SPACA3: variants seen among roughly 807,000 people sequenced by gnomAD.
SPACA3 encodes the protein sperm acrosome membrane-associated protein 3.
Under a neutral mutation model 24.5 loss-of-function variants are expected in SPACA3, and 21 were observed. The ratio of observed to expected loss-of-function variants is 0.86; its 90% CI spans 0.61 to 1.24. The LOEUF (loss-of-function observed/expected upper bound fraction) is 1.24, where lower values mean the gene tolerates loss of function less well. Among genes scored for constraint, SPACA3 ranks in the 50% most tolerant of loss-of-function variants. The pLI is 0.00. For missense variants in SPACA3, 278 were observed against 275.5 expected, an observed-to-expected ratio of 1.01 and a Z score of -0.06; for synonymous variants, 115 against 106.9, an observed-to-expected ratio of 1.08 and a Z score of -0.47.
chr17:32,991,921 G>A lies in SPACA3; in HGVS notation c.-18G>A, dbSNP rs780281386. ...TGAAGCAGGGTTTTGAGCCACTGCT[G>A]CTGCTGCCATTGTCACCATGGTCTC... On this transcript the variant is annotated 5_prime_UTR_variant, in exon 1 of 5. Coordinates refer to ENST00000269053, the MANE Select transcript of SPACA3 (RefSeq NM_173847.5). 2 of 1,614,022 alleles carry A rather than the reference G, an allele frequency of 1.2e-6. No individual in the cohort carries two copies. Among genetic ancestry groups the A allele is most frequent in the South Asian group, 2.2e-5 (2 of 91,068 alleles).
At chr17:32,997,343 GT>G (rs1217681467) in intron 3 of SPACA3, 101 bp from the exon 4 acceptor site, 614 of 560,862 alleles carry the variant, frequency 1.1e-3, no homozygotes, top group Middle Eastern at 5.0e-3. Context: ...GTGTGTGTGT[GT>G]AGAGAGAGAG....
intron 1 of SPACA3, chr17:32,992,716 T>C (rs890250335): frequency 4.4e-5 from 16 of 367,084 alleles, no homozygotes; most frequent in African/African-American, 3.4e-4. Context: ...GTTAACCATG[T>C]AGAGGAAAGG....
chr17:32,997,410 G>C, intron 3 of SPACA3, 35 bp from the exon 4 acceptor site: 1 of 1,579,418 alleles, frequency 6.3e-7, no homozygotes, highest in Middle Eastern at 1.7e-4. Flanking sequence ...GATGTCTCCT[G>C]TTCTCTCATT....
intron 3 of SPACA3, 73 bp downstream of exon 3, chr17:32,997,074 T>G: frequency 6.9e-7 from 1 of 1,458,310 alleles, no homozygotes; most frequent in South Asian, 1.5e-5. Flanking sequence ...CCAGTTTAGT[T>G]TGCTACCCCC....
At chr17:32,995,919 G>A (rs1567711838) in intron 2 of SPACA3, among the ~76,000 whole-genome samples, 1 of 152,156 alleles carries the variant, frequency 6.6e-6, no homozygotes, top group Non-Finnish European at 1.5e-5. Flanking sequence ...CAACCAAATT[G>A]GAGTCACCCC....
In SPACA3 at chr17:32,996,953, A is replaced by T; in HGVS notation, c.454A>T (p.Ser152Cys). ...CCAGATCAACAGCCGGAGGTGGTGC[A>T]GCAACCTCACCCCGAACGTCCCCAA... ...IFQINSRRWC[S>C]NLTPNVPNVC... The change falls in exon 3 of 5, where the codon AGC (serine) becomes TGC (cysteine). Residue 152 changes from serine to cysteine, a missense_variant. Transcript: ENST00000269053. 2 of 1,603,150 alleles carry T rather than the reference A, an allele frequency of 1.2e-6. 1 individual carries two copies. Among genetic ancestry groups the T allele is most frequent in the Non-Finnish European group, 1.7e-6 (2 of 1,174,470 alleles).
At chr17:32,996,398 A>C (rs1173388072) in intron 2 of SPACA3, among the ~76,000 whole-genome samples, 15 of 151,262 alleles carry the variant, frequency 9.9e-5, no homozygotes, top group Non-Finnish European at 4.4e-5. Context: ...CTGAGACAGG[A>C]GAATTGCTTG....
chr17:32,992,026 C>G (rs2091692830), intron 1 of SPACA3, 54 bp downstream of exon 1: 1 of 1,600,140 alleles, frequency 6.2e-7, no homozygotes, highest in South Asian at 1.1e-5. Flanking sequence ...CTGGGTTGGT[C>G]TGGCCAGAGA....
At chr17:32,994,512 C>A (rs1430523572) in intron 1 of SPACA3, among the ~76,000 whole-genome samples, 4 of 152,156 alleles carry the variant, frequency 2.6e-5, no homozygotes, top group Non-Finnish European at 5.9e-5. Flanking sequence ...TTGGCACAAA[C>A]AAGAGTTTGT....
At chr17:32,992,186 CAAAAA>C (rs10591674) in intron 1 of SPACA3, among the ~76,000 whole-genome samples, 22 of 113,546 alleles carry the variant, frequency 1.9e-4, no homozygotes, top group African/African-American at 5.7e-4. Flanking sequence ...CACTTTTCTA[CAAAAA>C]AAAAAAAAAA....
chr17:32,997,583 C>T (rs2091731058), intron 4 of SPACA3, 60 bp downstream of exon 4: 1 of 1,558,344 alleles, frequency 6.4e-7, no homozygotes, highest in African/African-American at 1.4e-5. Context: ...TGGGCAGCAG[C>T]AGGGAACAAA....
rs758616734 is a variant in SPACA3 at position 32,995,517 on chromosome 17, C to T, written c.143C>T (p.Thr48Ile). The T allele has an allele frequency of 3.1e-6, 5 of 1,614,078 alleles. No individual in the cohort carries two copies. In the African/African-American group the frequency reaches 4.0e-5, roughly 13 times the overall value. Residue 48 changes from threonine to isoleucine, a missense_variant, in exon 2 of 5, where the codon ACC becomes ATC. Physicochemically the swap from Thr to Ile is moderately conservative, Grantham distance 89. Transcript: ENST00000269053. ...CTGAGCCAGAGTGGTGGTGGCTCCA[C>T]CTCTGCCGCCGGCATAGAAGCCAGG... ...SALSQSGGGS[T>I]SAAGIEARSR... is the part of the protein sequence containing the mutation.
Position 32,995,563 on chromosome 17 carries a change from G to A in SPACA3, c.189G>A (p.Arg63=), listed in dbSNP as rs760083889. ...IEARSRALRR[R]WCPAGIMLLA... is the part of the protein sequence containing the mutation. ...CCAGGAGCAGGGCTCTCAGAAGGCG[G>A]TGGTGCCCAGCTGGGATCATGTTGT... The change falls in exon 2 of 5, where the codon CGG becomes CGA. Residue 63 remains arginine (R), a synonymous_variant. Transcript: ENST00000269053. The A allele has an allele frequency of 2.5e-5, 40 of 1,614,114 alleles. No homozygotes were observed. The highest frequency in any genetic ancestry group is 3.1e-5 in the Non-Finnish European group (36 of 1,180,052).
chr17:32,993,723 A>AG (rs1211389486), intron 1 of SPACA3, among the ~76,000 whole-genome samples: 1 of 151,924 alleles, frequency 6.6e-6, no homozygotes, highest in East Asian at 1.9e-4. Context: ...GGGCGAGAAG[A>AG]GGGGGAAAGA....
Position 32,995,705 on chromosome 17 carries a change from A to T in SPACA3, c.331A>T (p.Ser111Cys). The T allele has an allele frequency of 6.2e-7, 1 of 1,612,340 alleles. No individual in the cohort carries two copies. ...CGGGCTGGACGGATACCGGGGATAC[A>T]GCCTGGCTGACTGTGAGAACCCCTC... ...DFGLDGYRGY[S>C]LADWVCLAYF... The change falls in exon 2 of 5, where the codon AGC (serine) becomes TGC (cysteine). Residue 111 changes from serine (S) to cysteine (C), a missense_variant. Transcript: ENST00000269053.
chr17:32,995,382 C>A, intron 1 of SPACA3, 27 bp from the exon 2 acceptor site: 2 of 1,563,120 alleles, frequency 1.3e-6, no homozygotes, highest in Non-Finnish European at 8.7e-7. Flanking sequence ...CTTCTGCCCA[C>A]CCCTTCTCTC....
At chr17:32,997,327 G>GTA in intron 3 of SPACA3, 118 bp from the exon 4 acceptor site, 2 of 758,218 alleles carry the variant, frequency 2.6e-6, no homozygotes, top group East Asian at 2.5e-5. Context: ...GTGTGTGTGT[G>GTA]TGTGTGTGTG....
rs1211232272 is a variant in SPACA3 at position 32,995,540 on chromosome 17, A to C, written c.166A>C (p.Arg56=). 2.5e-6 allele frequency: 4 copies of C among 1,614,242 alleles called. No homozygotes were observed. The South Asian group carries it at 4.4e-5, about 18-fold the overall frequency. ...CACCTCTGCCGCCGGCATAGAAGCC[A>C]GGAGCAGGGCTCTCAGAAGGCGGTG... ...GSTSAAGIEA[R]SRALRRRWCP... Residue 56 remains arginine (R), a synonymous_variant, in exon 2 of 5, where the codon AGG becomes CGG. Transcript: ENST00000269053.
chr17:32,992,912 T>C (rs568772165), intron 1 of SPACA3: 1 of 471,138 alleles, frequency 2.1e-6, no homozygotes, highest in African/African-American at 2.0e-5. Flanking sequence ...GGGCTTTTCA[T>C]TTAACAAATT....
Sources: allele counts gnomAD v4.1 joint callset (sites outside exome capture counted in the v4.1 genomes callset), GRCh38; gene constraint gnomAD v4.1.1; transcripts MANE v1.5; gene names NCBI Gene and HGNC (gene_info 2026-07-23, HGNC 2026-07-21).